The following AFF3 variants were observed in gnomAD, a reference collection of about 807,000 sequenced individuals.
AFF3 encodes AF4/FMR2 family member 3.
AFF3 carries 32 observed loss-of-function variants against 129.7 expected under a neutral mutation model. That is an observed-to-expected ratio of 0.25 (90% CI 0.19 to 0.33). The LOEUF is 0.33. Among genes scored for constraint, AFF3 ranks in the 10% least tolerant of loss-of-function variants. AFF3 has a pLI of 1.00. For missense variants in AFF3, 1,373 were observed against 1,592.0 expected (o/e 0.86, Z 2.34); for synonymous variants, 644 against 635.4 (o/e 1.01, Z -0.20).
At chr2:100,060,533 T>C (rs1023671371) in intron 4 of AFF3, among the ~76,000 whole-genome samples, 1 of 152,226 alleles carries the variant, frequency 6.6e-6, no homozygotes, top group African/African-American at 2.4e-5. Context: ...GGTAACACTA[T>C]AGATATATAT....
chr2:99,783,525 C>T (rs768595531), intron 8 of AFF3, among the ~76,000 whole-genome samples: 14 of 152,338 alleles, frequency 9.2e-5, no homozygotes, highest in Non-Finnish European at 1.6e-4. Context: ...GAGGAATACA[C>T]GGCACAGGAG....
At chr2:99,834,310 C>T (rs1433573010) in intron 8 of AFF3, among the ~76,000 whole-genome samples, 2 of 152,204 alleles carry the variant, frequency 1.3e-5, no homozygotes, top group Admixed American at 1.3e-4. Context: ...CTTCTCTTCA[C>T]TTCAGTTTCC....
intron 14 of AFF3, 115 bp downstream of exon 14, chr2:99,601,320 G>T: frequency 8.0e-7 from 1 of 1,254,444 alleles, no homozygotes; most frequent in Non-Finnish European, 1.0e-6. Flanking sequence ...CACCTGGCTT[G>T]GGGTCTGCAG....
chr2:100,032,828 A>G (rs1684611730), intron 4 of AFF3, among the ~76,000 whole-genome samples: 1 of 152,178 alleles, frequency 6.6e-6, no homozygotes, highest in Admixed American at 6.5e-5. Flanking sequence ...ATTACTATAA[A>G]TTTATAGCTT....
rs1469703603 is a variant in AFF3, at chr2:100,049,091, G to A, written c.54-40159C>T. ...CAAAGATCATTCTGCGAAAGACTAC[G>A]GGGAATGGGATATTCACCTGGTCTC... On this transcript the variant is annotated intron_variant, in intron 4 of 24. Coordinates refer to ENST00000672756, the MANE Select transcript of AFF3 (RefSeq NM_001386135.1). Among the ~76,000 whole-genome samples the A allele has an allele frequency of 3.3e-5, 5 of 152,106 alleles. No individual in the cohort carries two copies. In the South Asian group the frequency reaches 6.2e-4, roughly 19 times the overall value.
At position 100,004,408 on chromosome 2, in the gene AFF3, T is replaced by C. The variant is rs371590410; in HGVS notation, c.873+2224A>G. 5.7e-4 allele frequency among the ~76,000 whole-genome samples: 87 copies of C among 152,350 alleles called. 1 individual carries two copies. In the South Asian group the frequency reaches 0.011, roughly 20 times the overall value. ...TATTCCCTCAAAAGTAAAATCTGGT[T>C]GATAAAATTCTTCAGCTTCTATGTT... is the stretch of plus-strand genomic sequence containing the variant. On this transcript the variant is annotated intron_variant, in intron 7 of 24. Coordinates refer to ENST00000672756, the MANE Select transcript of AFF3 (RefSeq NM_001386135.1).
intron 21 of AFF3, among the ~76,000 whole-genome samples, chr2:99,560,115 G>A (rs1368182051): frequency 6.6e-6 from 1 of 152,158 alleles, no homozygotes; most frequent in Non-Finnish European, 1.5e-5. Context: ...ACAAAAATTA[G>A]GCCGGGCACA....
intron 10 of AFF3, among the ~76,000 whole-genome samples, chr2:99,735,758 A>C (rs1575823828): frequency 6.6e-6 from 1 of 152,136 alleles, no homozygotes; most frequent in African/African-American, 2.4e-5. Flanking sequence ...CTCCTAAAGC[A>C]CTGGGATTAC....
At position 99,547,495 on chromosome 2, in the gene AFF3, CT is replaced by C. The variant is rs34122848; in HGVS notation, c.*3978del. 0.43 allele frequency: 78,343 copies of C among 180,756 alleles called. 14,098 individuals are homozygous for C. The highest frequency in any genetic ancestry group is 0.5 in the Admixed American group (7,766 of 15,452). 11.2% of individuals were successfully genotyped at this position (180,756 alleles called of 1,614,324 possible). ...TGTCTACATTGTTAAAAAAATCTTG[CT>C]TTTTTTTTTTTTTGGTGATGCAGAT... is the stretch of plus-strand genomic sequence containing the variant. On this transcript the variant is annotated 3_prime_UTR_variant, in exon 25 of 25. Transcript: ENST00000672756.
At chr2:99,808,646 A>C (rs530794969) in intron 8 of AFF3, among the ~76,000 whole-genome samples, 41 of 152,352 alleles carry the variant, frequency 2.7e-4, no homozygotes, top group Non-Finnish European at 4.6e-4. Context: ...CAGAATTAAG[A>C]AGTGGCTTTT....
chr2:99,647,450 C>T (rs1227600740), intron 13 of AFF3, among the ~76,000 whole-genome samples: 1 of 152,026 alleles, frequency 6.6e-6, no homozygotes, highest in African/African-American at 2.4e-5. Context: ...ATGATGAGAC[C>T]CATGACGGGG....
intron 8 of AFF3, among the ~76,000 whole-genome samples, chr2:99,789,676 C>T (rs570271509): frequency 1.3e-5 from 2 of 152,192 alleles, no homozygotes; most frequent in African/African-American, 4.8e-5. Flanking sequence ...TTTGGAACTG[C>T]TGACAATCAC....
At chr2:99,724,176 T>C (rs1248974013) in intron 11 of AFF3, among the ~76,000 whole-genome samples, 3 of 151,726 alleles carry the variant, frequency 2.0e-5, no homozygotes, top group Admixed American at 2.0e-4. Flanking sequence ...TGGCTTTAGT[T>C]TGTCTCTTGA....
chr2:99,863,236 G>A (rs958899199), intron 7 of AFF3, among the ~76,000 whole-genome samples: 1 of 152,130 alleles, frequency 6.6e-6, no homozygotes, highest in African/African-American at 2.4e-5. Context: ...CTATGTAATG[G>A]GGAAAATGTA....
chr2:99,993,790 A>ATTT (rs1680576773), intron 7 of AFF3, among the ~76,000 whole-genome samples: 1 of 115,920 alleles, frequency 8.6e-6, no homozygotes, highest in Non-Finnish European at 1.8e-5. Flanking sequence ...CAAACACTTT[A>ATTT]TCTTTTTTTT....
intron 4 of AFF3, among the ~76,000 whole-genome samples, chr2:100,060,616 A>G (rs1324109393): frequency 6.6e-6 from 1 of 152,136 alleles, no homozygotes; most frequent in Non-Finnish European, 1.5e-5. Context: ...ATTCTACTTA[A>G]ATAGAATTTT....
rs112671704 is a variant in AFF3, at chr2:99,837,567, G to A, written c.874-43C>T. 558 of 1,572,764 alleles carry A rather than the reference G, an allele frequency of 3.5e-4. 1 individual carries two copies. The African/African-American group carries it at 5.2e-3, about 15-fold the overall frequency. ...AAAATTAAGCCTGATGGAATAGATTGATGACCACACAGAAGACATGCAAGG... is the reference window on the plus strand; with the variant it reads ...AAAATTAAGCCTGATGGAATAGATTAATGACCACACAGAAGACATGCAAGG... On this transcript the variant is annotated intron_variant, in intron 7 of 24. Coordinates refer to ENST00000672756, the MANE Select transcript of AFF3 (RefSeq NM_001386135.1).
chr2:99,717,910 G>C (rs887895538), intron 11 of AFF3, among the ~76,000 whole-genome samples: 1 of 152,140 alleles, frequency 6.6e-6, no homozygotes, highest in African/African-American at 2.4e-5. Flanking sequence ...AAGTTGCTCT[G>C]GCATCATTTG....
intron 12 of AFF3, among the ~76,000 whole-genome samples, chr2:99,660,545 C>T (rs868352295): frequency 6.6e-6 from 1 of 152,150 alleles, no homozygotes; most frequent in Non-Finnish European, 1.5e-5. Context: ...CAGTGCTTTA[C>T]GATTTATATG....
Sources: gnomAD v4.1 joint callset for allele counts (sites outside exome capture counted in the v4.1 genomes callset) on GRCh38, gnomAD v4.1.1 for gene constraint, MANE v1.5 for transcripts, NCBI Gene and HGNC (gene_info 2026-07-23, HGNC 2026-07-21) for gene names.